Variants in ESR1 observed in about 807,000 individuals in gnomAD.
ESR1 encodes estrogen receptor 1.
Under a neutral mutation model 52.7 loss-of-function variants are expected in ESR1, and 12 were observed. The ratio of observed to expected loss-of-function variants is 0.23; its 90% CI spans 0.15 to 0.37. The LOEUF (loss-of-function observed/expected upper bound fraction) is 0.37, where lower values mean the gene tolerates loss of function less well. Ranked by LOEUF, ESR1 falls within the 10% of genes least tolerant of loss-of-function variation. The pLI is 1.00. For synonymous variants in ESR1, 305 were observed against 316.8 expected (o/e 0.96, Z 0.39); for missense variants, 584 against 779.7 (o/e 0.75, Z 2.99).
At chr6:151,923,625 G>A (rs2032130653) in intron 3 of ESR1, among the ~76,000 whole-genome samples, 1 of 152,122 alleles carries the variant, frequency 6.6e-6, no homozygotes, top group Admixed American at 6.6e-5. Flanking sequence ...CAATATTCAT[G>A]TAAGTTTCAT....
At chr6:151,679,666 A>T (rs1582874534) in intron 1 of ESR1, among the ~76,000 whole-genome samples, 4 of 152,270 alleles carry the variant, frequency 2.6e-5, no homozygotes, top group African/African-American at 9.6e-5. Flanking sequence ...TGGCTGGCCC[A>T]TGAGGCCCCA....
rs2152496976 is a variant in ESR1, at chr6:152,094,596, A to G, written c.1553+28A>G. 1 of 1,606,824 alleles carries G rather than the reference A, an allele frequency of 6.2e-7. No individual in the cohort carries two copies. Among genetic ancestry groups the G allele is most frequent in the Non-Finnish European group, 8.5e-7 (1 of 1,176,456 alleles). On this transcript the variant is annotated intron_variant, in intron 7 of 7. Coordinates refer to ENST00000206249, the MANE Select transcript of ESR1 (RefSeq NM_000125.4). The surrounding 1 kb of genome is among the most constrained non-coding windows in gnomAD (Gnocchi z 4.6). ...GAGGCATCTGTGGGCTTCCTACAGGAGAGACATAAAGAAAACATGCCCCCA... is the reference window on the plus strand; with the variant it reads ...GAGGCATCTGTGGGCTTCCTACAGGGGAGACATAAAGAAAACATGCCCCCA...
intron 2 of ESR1, among the ~76,000 whole-genome samples, chr6:151,707,443 G>A (rs115150448): frequency 0.011 from 1,650 of 151,502 alleles, 26 homozygotes; most frequent in African/African-American, 0.037. Context: ...CACAATTTCC[G>A]TTTGTAATAT....
chr6:151,760,925 T>C (rs1028924624), intron 2 of ESR1, among the ~76,000 whole-genome samples: 1 of 152,242 alleles, frequency 6.6e-6, no homozygotes, highest in African/African-American at 2.4e-5. Context: ...GAGACCTTTT[T>C]GGAATATTGG....
At chr6:151,790,234 A>G (rs954791924) in intron 2 of ESR1, among the ~76,000 whole-genome samples, 7 of 152,194 alleles carry the variant, frequency 4.6e-5, no homozygotes, top group Non-Finnish European at 8.8e-5. Context: ...TGTGGCCCAC[A>G]TGAGCTCCAT....
At chr6:151,880,177 TTC>T (rs1792585648) in intron 2 of ESR1, among the ~76,000 whole-genome samples, 1 of 109,650 alleles carries the variant, frequency 9.1e-6, no homozygotes, top group Non-Finnish European at 2.0e-5. Flanking sequence ...AGGTTTTTTG[TTC>T]TGTTTTTTTT....
chr6:152,046,157 A>G (rs1350715518), intron 5 of ESR1, among the ~76,000 whole-genome samples: 1 of 152,194 alleles, frequency 6.6e-6, no homozygotes, highest in Non-Finnish European at 1.5e-5. Flanking sequence ...AATTTCATTT[A>G]TTAAGAGGAT....
chr6:151,942,965 C>T lies in ESR1; in HGVS notation c.761-1208C>T, dbSNP rs553479967. On this transcript the variant is annotated intron_variant, in intron 3 of 7. Coordinates refer to ENST00000206249, the MANE Select transcript of ESR1 (RefSeq NM_000125.4). The stretch of plus-strand genomic sequence containing the variant: ...CAGATGTTAATACATTTCAGCAGTA[C>T]AGTATGGCCTTTTTCAGGTTAAGGT... 9.2e-5 allele frequency among the ~76,000 whole-genome samples: 14 copies of T among 152,188 alleles called. No individual in the cohort carries two copies. The East Asian group carries it at 2.7e-3, about 29-fold the overall frequency.
intron 2 of ESR1, among the ~76,000 whole-genome samples, chr6:151,765,841 C>T (rs537737342): frequency 1.3e-5 from 2 of 152,324 alleles, no homozygotes; most frequent in South Asian, 4.1e-4. Flanking sequence ...ACTCATTCCT[C>T]AGTTCAAGAA....
intron 6 of ESR1, among the ~76,000 whole-genome samples, chr6:152,111,450 G>A (rs930807072): frequency 3.3e-5 from 5 of 152,206 alleles, no homozygotes; most frequent in East Asian, 1.9e-4. Context: ...GATTCAGTGC[G>A]CTGCTAGGCC....
intron 2 of ESR1, among the ~76,000 whole-genome samples, chr6:151,734,923 A>G (rs11155809): frequency 0.48 from 73,428 of 151,764 alleles, 19,214 homozygotes; most frequent in Non-Finnish European, 0.58. Context: ...CCCCACCTCC[A>G]ACCTTCAAAA....
In ESR1 at chr6:151,673,648, C is replaced by T. The variant is rs187540116; in HGVS notation, n.73+16885C>T. On this transcript the variant is annotated intron_variant and non_coding_transcript_variant, in intron 1 of 2. Coordinates refer to the ESR1 transcript ENST00000473497. ...CTGTAATCCCAGCACTTTGGGAGGC[C>T]GAGGTGGGAGAATCACTTAAGGCCA... is the stretch of plus-strand genomic sequence containing the variant. 8.3e-3 allele frequency among the ~76,000 whole-genome samples: 1,258 copies of T among 152,094 alleles called. 6 individuals are homozygous for T. Among genetic ancestry groups the T allele is most frequent in the Admixed American group, 0.012 (186 of 15,268 alleles).
At chr6:152,105,873 C>T (rs1259906046), downstream of ESR1, among the ~76,000 whole-genome samples, 9 of 143,886 alleles carry the variant, frequency 6.3e-5, no homozygotes, top group South Asian at 4.5e-4. Flanking sequence ...CTGCAAGCTC[C>T]GCTTCCCGGG....
At chr6:151,765,702 TAGAA>T (rs1044157480) in intron 2 of ESR1, among the ~76,000 whole-genome samples, 1 of 152,316 alleles carries the variant, frequency 6.6e-6, no homozygotes, top group South Asian at 2.1e-4. Context: ...GCACTTTTCA[TAGAA>T]AGAGTCTGAA....
At chr6:151,916,360 C>T (rs2128451045) in intron 3 of ESR1, among the ~76,000 whole-genome samples, 1 of 152,294 alleles carries the variant, frequency 6.6e-6, no homozygotes, top group South Asian at 2.1e-4. Context: ...ATGAAACATT[C>T]ATCGATTATT....
chr6:152,091,132 A>G (rs2050146707), intron 6 of ESR1, among the ~76,000 whole-genome samples: 1 of 152,216 alleles, frequency 6.6e-6, no homozygotes, highest in South Asian at 2.1e-4. Context: ...GGAAATTACC[A>G]GCAGCCCTGT....
At chr6:152,125,216 T>C in intron 6 of ESR1, 1 of 1,534,410 alleles carries the variant, frequency 6.5e-7, no homozygotes, top group South Asian at 1.2e-5. Context: ...TTTTGCTGGT[T>C]GGTGATAGGA....
At chr6:151,867,001 A>G (rs1400187981) in intron 2 of ESR1, among the ~76,000 whole-genome samples, 1 of 152,204 alleles carries the variant, frequency 6.6e-6, no homozygotes, top group Non-Finnish European at 1.5e-5. Context: ...ACCTGACAAA[A>G]CAAGCAATGG....
chr6:151,770,439 G>A (rs1785417475), intron 2 of ESR1, among the ~76,000 whole-genome samples: 1 of 151,820 alleles, frequency 6.6e-6, no homozygotes, highest in African/African-American at 2.4e-5. Flanking sequence ...CACTAATAAA[G>A]GCAGGCATAA....
Sources: allele counts gnomAD v4.1 joint callset (sites outside exome capture counted in the v4.1 genomes callset), GRCh38; gene constraint gnomAD v4.1.1; non-coding constraint Gnocchi (gnomAD v3.1); transcripts MANE v1.5; gene names NCBI Gene and HGNC (gene_info 2026-07-23, HGNC 2026-07-21).